Variants in CCDC39 observed in about 807,000 individuals in gnomAD.
CCDC39 encodes coiled-coil domain 39 molecular ruler complex subunit.
In CCDC39, 113 loss-of-function variants were observed where a neutral mutation model predicts 121.0. That is an observed-to-expected ratio of 0.93 (90% CI 0.80 to 1.09). The LOEUF (loss-of-function observed/expected upper bound fraction) is 1.09. Ranked by LOEUF, CCDC39 falls within the 50% of genes least tolerant of loss-of-function variation. The probability of loss-of-function intolerance (pLI) is 0.00; values close to 1 mark genes in which losing one functional copy is unlikely to be tolerated. For missense variants in CCDC39, 1,063 were observed against 1,074.7 expected, an observed-to-expected ratio of 0.99 and a Z score of 0.15; for synonymous variants, 349 against 352.2, an observed-to-expected ratio of 0.99 and a Z score of 0.10.
Position 180,663,926 on chromosome 3 carries a change from G to A in CCDC39, c.151C>T (p.Arg51Ter), listed in dbSNP as rs1332641805. 6 of 1,610,642 alleles carry A rather than the reference G, an allele frequency of 3.7e-6. No homozygotes were observed. The highest frequency in any genetic ancestry group is 1.7e-5 in the Admixed American group (1 of 59,960). ...LQDELREYEERINSMTSHFKN... is the reference protein window; with the variant it reads ...LQDELREYEE ...AAGTGAGAAGTCATAGAATTAATTC[G>A]CTCTTCATACTCACGTAACTCATCT... Residue 51 changes from arginine to a stop codon, truncating the protein, a stop_gained, in exon 2 of 20, where the codon CGA becomes TGA. Transcript: ENST00000476379. LOFTEE classifies it high-confidence loss of function.
intron 6 of CCDC39, 46 bp downstream of exon 6, chr3:180,659,406 G>A: frequency 6.2e-7 from 1 of 1,601,106 alleles, no homozygotes; most frequent in Non-Finnish European, 8.5e-7. Context: ...AAATACAAAA[G>A]AGACAAATGC....
chr3:180,664,320 G>A (rs1711817979), intron 1 of CCDC39, among the ~76,000 whole-genome samples: 1 of 152,062 alleles, frequency 6.6e-6, no homozygotes, highest in Non-Finnish European at 1.5e-5. Context: ...TTTCTTAAAA[G>A]AGCACCAACA....
At chr3:180,646,970 A>G in intron 11 of CCDC39, 109 bp downstream of exon 11, 1 of 870,754 alleles carries the variant, frequency 1.1e-6, no homozygotes, top group African/African-American at 1.7e-5. Flanking sequence ...TTTGTTATAT[A>G]TGTGTGTAGA....
chr3:180,654,149 T>C (rs1030495145), intron 7 of CCDC39, among the ~76,000 whole-genome samples: 2 of 139,748 alleles, frequency 1.4e-5, no homozygotes, highest in African/African-American at 5.4e-5. Context: ...TCAGTAAATG[T>C]GTCAAGAATA....
chr3:180,661,731 A>G, intron 3 of CCDC39, 130 bp downstream of exon 3: 2 of 767,062 alleles, frequency 2.6e-6, no homozygotes, highest in Non-Finnish European at 4.1e-6. Context: ...CACTGTCCAA[A>G]AAATACGTAA....
intron 12 of CCDC39, among the ~76,000 whole-genome samples, chr3:180,643,109 G>A (rs1293967475): frequency 6.6e-6 from 1 of 151,798 alleles, no homozygotes; most frequent in Non-Finnish European, 1.5e-5. Context: ...ATAGGCGCCC[G>A]CCACCACGCC....
intron 9 of CCDC39, 50 bp from the exon 10 acceptor site, chr3:180,648,409 T>G (rs1461410089): frequency 8.5e-7 from 1 of 1,180,844 alleles, no homozygotes; most frequent in Non-Finnish European, 1.2e-6. Flanking sequence ...ATTGAAATGT[T>G]GTATTTATAT....
At position 180,679,287 on chromosome 3, in the gene CCDC39, T is replaced by C; in HGVS notation, c.90+4A>G. 1.2e-6 allele frequency: 2 copies of C among 1,612,922 alleles called. No individual in the cohort carries two copies. The highest frequency in any genetic ancestry group is 1.7e-6 in the Non-Finnish European group (2 of 1,178,934). On this transcript the variant is annotated splice_donor_region_variant and intron_variant, in intron 1 of 19. Coordinates refer to ENST00000476379, the MANE Select transcript of CCDC39 (RefSeq NM_181426.2). The surrounding 1 kb of genome is among the most constrained non-coding windows in gnomAD (Gnocchi z 4.0). ...TTCCTCCCGCCTGCTTCAATTGATC[T>C]CACCTGATCTTCCAGTAGCTTGTTC...
chr3:180,668,900 C>T (rs41510549), intron 1 of CCDC39, among the ~76,000 whole-genome samples: 5,762 of 152,066 alleles, frequency 0.038, 375 homozygotes, highest in African/African-American at 0.13. Flanking sequence ...TCTGTCAGTC[C>T]TTTCTTTGGT....
At chr3:180,620,092 A>G (rs1197310116) in intron 14 of CCDC39, 122 bp from the exon 15 acceptor site, 3 of 629,272 alleles carry the variant, frequency 4.8e-6, no homozygotes, top group East Asian at 3.0e-5. Context: ...CTCATGGCCT[A>G]CATATGGCAC....
chr3:180,615,206 A>C, intron 19 of CCDC39, 129 bp from the exon 20 acceptor site: 3 of 611,558 alleles, frequency 4.9e-6, no homozygotes. Flanking sequence ...TAATAGTGTT[A>C]AGTTTTTAAA....
intron 7 of CCDC39, among the ~76,000 whole-genome samples, chr3:180,654,260 C>A (rs910447827): frequency 4.2e-5 from 6 of 141,430 alleles, no homozygotes; most frequent in African/African-American, 1.3e-4. Flanking sequence ...AGAAATTGGG[C>A]TTTTCTCTGG....
rs79761114 is a variant in CCDC39 at position 180,632,448 on chromosome 3, C to T, written c.1875-856G>A. 7.2e-5 allele frequency among the ~76,000 whole-genome samples: 11 copies of T among 152,212 alleles called. No homozygotes were observed. The East Asian group carries it at 2.1e-3, about 29-fold the overall frequency. ...AATCCTCAACCTACCAGTTTTTCTA[C>T]TGCTAGAGAAAACTCATGGTAAGAT... On this transcript the variant is annotated intron_variant, in intron 13 of 19. Transcript: ENST00000476379.
At chr3:180,642,741 T>A (rs1185833645) in intron 12 of CCDC39, among the ~76,000 whole-genome samples, 1 of 152,046 alleles carries the variant, frequency 6.6e-6, no homozygotes, top group Non-Finnish European at 1.5e-5. Context: ...AAATATATTC[T>A]AGATGAATGA....
rs762805319 is a variant in CCDC39, at chr3:180,642,042, T to C, written c.1825A>G (p.Met609Val). ...ACATATCTTATTTGTGACGCAAGCA[T>C]TGTTTTATGAACCTTGATTTCTTCA... ...RTEEIKVHKTMLASQIRYVDQ... is the reference protein window; with the variant it reads ...RTEEIKVHKTVLASQIRYVDQ... The change falls in exon 13 of 20, where the codon ATG becomes GTG. Residue 609 changes from methionine (M) to valine (V), a missense_variant. Transcript: ENST00000476379. 9 of 1,608,366 alleles carry C rather than the reference T, an allele frequency of 5.6e-6. No individual in the cohort carries two copies. Among genetic ancestry groups the C allele is most frequent in the Admixed American group, 3.4e-5 (2 of 59,518 alleles).
At position 180,648,168 on chromosome 3, in the gene CCDC39, G is replaced by A. The variant is rs6769457; in HGVS notation, c.1359C>T (p.Ser453=). Residue 453 remains serine, a synonymous_variant, in exon 10 of 20, where the codon AGC becomes AGT. Transcript: ENST00000476379. ...ETLKQQEIMY[S]QDFHIQQVER... The stretch of plus-strand genomic sequence containing the variant: ...TATTCATAAAAGTAACATCTACCTG[G>A]CTGTACATAATTTCTTGCTGCTTCA... 383,330 of 1,604,550 alleles carry A rather than the reference G, an allele frequency of 0.24. 54,550 individuals are homozygous for A. Among genetic ancestry groups the A allele is most frequent in the African/African-American group, 0.65 (48,796 of 74,566 alleles).
intron 9 of CCDC39, among the ~76,000 whole-genome samples, chr3:180,648,775 G>A (rs1363948380): frequency 6.6e-6 from 1 of 152,156 alleles, no homozygotes; most frequent in Non-Finnish European, 1.5e-5. Flanking sequence ...ACAGTGGTGA[G>A]CAGGTAAATG....
rs61733583 is a variant in CCDC39 at position 180,616,670 on chromosome 3, C to G, written c.2432G>C (p.Arg811Pro). 1.3e-6 allele frequency: 2 copies of G among 1,590,732 alleles called. No homozygotes were observed. Among genetic ancestry groups the G allele is most frequent in the Non-Finnish European group, 1.7e-6 (2 of 1,166,892 alleles). The change falls in exon 18 of 20, where the codon CGT (arginine) becomes CCT (proline). Residue 811 changes from arginine to proline, a missense_variant. Arg to Pro is a moderately radical substitution (Grantham distance 103). Coordinates refer to ENST00000476379, the MANE Select transcript of CCDC39 (RefSeq NM_181426.2). The part of the protein sequence containing the change: ...KQCAKLTKEI[R>P]LLKDTKDETM... ...TTCATCTTTTGTGTCTTTCAAAAGA[C>G]GGATTTCCTTTGTGAGTTTTGCACA...
At chr3:180,659,426 T>C in intron 6 of CCDC39, 26 bp downstream of exon 6, 1 of 1,611,852 alleles carries the variant, frequency 6.2e-7, no homozygotes, top group Non-Finnish European at 8.5e-7. Flanking sequence ...CAGCTGAACA[T>C]TACAAGGACC....
Sources: allele counts gnomAD v4.1 joint callset (sites outside exome capture counted in the v4.1 genomes callset), GRCh38; gene constraint gnomAD v4.1.1; non-coding constraint Gnocchi (gnomAD v3.1); transcripts MANE v1.5; gene names NCBI Gene and HGNC (gene_info 2026-07-23, HGNC 2026-07-21).